DCTN1: variants seen among roughly 807,000 people sequenced by gnomAD.
DCTN1 encodes dynactin subunit 1, also known as 150 kDa dynein-associated polypeptide.
A neutral mutation model predicts 161.2 loss-of-function variants in DCTN1; 61 were observed. The ratio of observed to expected loss-of-function variants is 0.38; its 90% CI spans 0.31 to 0.47. The LOEUF is 0.47. Ranked by LOEUF, DCTN1 falls within the 20% of genes least tolerant of loss-of-function variation. The pLI, the probability that DCTN1 is intolerant of heterozygous loss-of-function variation, is 0.99. For missense variants in DCTN1, 1,404 were observed against 1,623.7 expected (o/e 0.86, Z 2.33); for synonymous variants, 653 against 632.4 (o/e 1.03, Z -0.49).
chr2:74,372,215 T>C (rs1347725890), intron 7 of DCTN1, among the ~76,000 whole-genome samples: 1 of 152,136 alleles, frequency 6.6e-6, no homozygotes, highest in East Asian at 1.9e-4. Flanking sequence ...GGGCCAAAAG[T>C]GGGGGTGCCA....
chr2:74,386,369 A>G (rs1675730881), intron 1 of DCTN1, among the ~76,000 whole-genome samples: 1 of 152,252 alleles, frequency 6.6e-6, no homozygotes, highest in South Asian at 2.1e-4. Context: ...AAGGGATAAT[A>G]ACAATAACTT....
chr2:74,366,384 G>A lies in DCTN1; in HGVS notation c.2629-9C>T. The A allele has an allele frequency of 6.2e-7, 1 of 1,614,204 alleles. No homozygotes were observed. Among genetic ancestry groups the A allele is most frequent in the Non-Finnish European group, 8.5e-7 (1 of 1,180,038 alleles). On this transcript the variant is annotated splice_polypyrimidine_tract_variant and intron_variant, in intron 22 of 31. Transcript: ENST00000628224. ...GAGGGGGTCCCATAGATCTGCAGGA[G>A]CCAAGGGCAGAAGTAAAAGCCCCAC... is the stretch of plus-strand genomic sequence containing the variant.
At chr2:74,387,233 T>C (rs980673724) in intron 1 of DCTN1, among the ~76,000 whole-genome samples, 1 of 152,172 alleles carries the variant, frequency 6.6e-6, no homozygotes, top group African/African-American at 2.4e-5. Flanking sequence ...TTCCTGGAAT[T>C]TTCTCCTTTC....
At chr2:74,378,345 C>T (rs1304379670) in intron 1 of DCTN1, 100 bp from the exon 2 acceptor site, 30 of 1,463,834 alleles carry the variant, frequency 2.0e-5, no homozygotes, top group Non-Finnish European at 2.7e-5. Context: ...GACTGAAAAA[C>T]AACCAGAGTC....
chr2:74,391,796 G>C (rs909674239), exon 1 of DCTN1: 1 of 453,778 alleles, frequency 2.2e-6, no homozygotes, highest in Non-Finnish European at 4.4e-6. Flanking sequence ...CTCCGTACCT[G>C]CACTGTGAGG....
At chr2:74,376,837 T>C in intron 4 of DCTN1, 75 bp from the exon 5 acceptor site, 1 of 1,425,580 alleles carries the variant, frequency 7.0e-7, no homozygotes, top group Non-Finnish European at 9.7e-7. Flanking sequence ...AACTCGGGCT[T>C]ACACAGGTTA....
At chr2:74,380,370 C>T (rs1452590010), upstream of DCTN1, 1 of 513,502 alleles carries the variant, frequency 1.9e-6, no homozygotes, top group Non-Finnish European at 3.8e-6. Flanking sequence ...CCTAGTGCCC[C>T]CCTGCTTCAC....
chr2:74,374,822 C>T, intron 5 of DCTN1: 5 of 924,718 alleles, frequency 5.4e-6, no homozygotes, highest in Non-Finnish European at 6.6e-6. Context: ...CTGCTTCTTT[C>T]TCCAAAGAAC....
In DCTN1 at chr2:74,371,567, T is replaced by C. The variant is rs746304202; in HGVS notation, c.615A>G (p.Gly205=). 2 of 1,583,692 alleles carry C rather than the reference T, an allele frequency of 1.3e-6. No homozygotes were observed. The highest frequency in any genetic ancestry group is 3.6e-5 in the Admixed American group (2 of 55,228). Residue 205 remains glycine (G), a synonymous_variant, in exon 8 of 32, where the codon GGA becomes GGG. Coordinates refer to ENST00000628224, the MANE Select transcript of DCTN1 (RefSeq NM_004082.5). ...ATGGGGAAGGAAGCGGGGGGACTGC[T>C]CCAGGAGAGGTGAGGACCGGCGTGG... ...IIPTPVLTSP[G]AVPPLPSPSK...
chr2:74,371,212 C>G, intron 8 of DCTN1, 36 bp from the exon 9 acceptor site: 6 of 1,610,536 alleles, frequency 3.7e-6, no homozygotes, highest in Non-Finnish European at 4.2e-6. Flanking sequence ...GTGCACAGCC[C>G]ACTCCTCCTC....
intron 8 of DCTN1, 94 bp from the exon 9 acceptor site, chr2:74,371,270 A>G: frequency 1.9e-6 from 3 of 1,604,042 alleles, no homozygotes; most frequent in Non-Finnish European, 2.5e-6. Flanking sequence ...GTGTGCAAAC[A>G]TCACCCAGCC....
chr2:74,390,429 C>A (rs543996189), intron 1 of DCTN1, among the ~76,000 whole-genome samples: 1 of 152,132 alleles, frequency 6.6e-6, no homozygotes, highest in Non-Finnish European at 1.5e-5. Flanking sequence ...CAGATAATTG[C>A]CCATTATTTT....
At chr2:74,364,983 T>G in intron 26 of DCTN1, 92 bp downstream of exon 26, 5 of 1,529,382 alleles carry the variant, frequency 3.3e-6, no homozygotes, top group African/African-American at 1.4e-5. Flanking sequence ...TACCCGGGGG[T>G]AAGGGGGGTG....
intron 8 of DCTN1, 90 bp downstream of exon 8, chr2:74,371,447 T>C (rs1674837868): frequency 1.1e-5 from 16 of 1,392,656 alleles, no homozygotes; most frequent in Admixed American, 2.2e-5. Context: ...TTCTAGGTCT[T>C]TGCCAACCCC....
chr2:74,377,678 C>CAGG lies in DCTN1; in HGVS notation c.325_327dup (p.Pro109dup). The CAGG allele has an allele frequency of 1.2e-6, 2 of 1,614,144 alleles. No homozygotes were observed. Among genetic ancestry groups the CAGG allele is most frequent in the Non-Finnish European group, 1.7e-6 (2 of 1,180,020 alleles). The stretch of plus-strand genomic sequence containing the variant: ...TTGAGGACTTTTGAAGCAGAAGAAT[C>CAGG]AGGTGTCTCTGGGGAAGTAGTATCT... On this transcript the variant is annotated inframe_insertion, in exon 3 of 32. Coordinates refer to ENST00000628224, the MANE Select transcript of DCTN1 (RefSeq NM_004082.5).
chr2:74,361,690 G>A (rs1674005844), intron 31 of DCTN1, 54 bp from the exon 32 acceptor site: 2 of 1,613,136 alleles, frequency 1.2e-6, no homozygotes, highest in East Asian at 2.2e-5. Context: ...CTTGAGCTGT[G>A]GGCCACTGAA....
chr2:74,364,450 T>C (rs149704977), intron 26 of DCTN1: 27 of 165,084 alleles, frequency 1.6e-4, no homozygotes, highest in Non-Finnish European at 2.5e-4. Flanking sequence ...AAACAAACTA[T>C]AGGGCAGAGG....
chr2:74,374,172 AC>A, intron 6 of DCTN1, 150 bp downstream of exon 6: 1 of 768,300 alleles, frequency 1.3e-6, no homozygotes, highest in Non-Finnish European at 2.3e-6. Context: ...CATAGTGGTG[AC>A]ACACACCTCT....
upstream of DCTN1, among the ~76,000 whole-genome samples, chr2:74,383,095 T>TAA (rs1274226685): frequency 3.4e-5 from 5 of 145,392 alleles, no homozygotes; most frequent in African/African-American, 1.4e-4. Flanking sequence ...AAAAAAAAAA[T>TAA]AAATAAATAA....
Sources: allele counts gnomAD v4.1 joint callset (sites outside exome capture counted in the v4.1 genomes callset), GRCh38; gene constraint gnomAD v4.1.1; transcripts MANE v1.5; gene names NCBI Gene and HGNC (gene_info 2026-07-23, HGNC 2026-07-21).